The following ZNF438 variants were observed in gnomAD, a reference collection of about 807,000 sequenced individuals.
ZNF438 encodes the protein zinc finger protein 438.
A neutral mutation model predicts 38.0 loss-of-function variants in ZNF438; 25 were observed. The ratio of observed to expected loss-of-function variants is 0.66; its 90% CI spans 0.48 to 0.92. The LOEUF (loss-of-function observed/expected upper bound fraction) is 0.92. ZNF438 is among the 40% of genes least tolerant of loss of function. The probability of loss-of-function intolerance (pLI) is 0.00; values close to 1 mark genes in which losing one functional copy is unlikely to be tolerated. For synonymous variants in ZNF438, 372 were observed against 364.1 expected (o/e 1.02, Z -0.25); for missense variants, 1,007 against 999.6 (o/e 1.01, Z -0.10).
At chr10:30,888,377 CTTTTA>C (rs1336421643) in intron 3 of ZNF438, among the ~76,000 whole-genome samples, 1 of 52,252 alleles carries the variant, frequency 1.9e-5, no homozygotes, top group Non-Finnish European at 4.0e-5. Flanking sequence ...ACACATTTAG[CTTTTA>C]TTTTAGGTTC....
chr10:30,957,507 CAT>C (rs1463841698), intron 1 of ZNF438, among the ~76,000 whole-genome samples: 1 of 152,124 alleles, frequency 6.6e-6, no homozygotes, highest in Admixed American at 6.6e-5. Context: ...CTAATAGTTT[CAT>C]AGTCTGTCTT....
chr10:30,909,910 G>A (rs891997343), intron 2 of ZNF438, among the ~76,000 whole-genome samples: 1 of 152,162 alleles, frequency 6.6e-6, no homozygotes, highest in African/African-American at 2.4e-5. Context: ...CACAAGTAGG[G>A]TACATAGAGT....
Position 30,983,166 on chromosome 10 carries a change from G to C in ZNF438, c.-191-41515C>G, listed in dbSNP as rs117878086. Among the ~76,000 whole-genome samples the C allele has an allele frequency of 1.2e-3, 180 of 152,326 alleles. 1 individual carries two copies. In the East Asian group the frequency reaches 0.016, roughly 14 times the overall value. On this transcript the variant is annotated intron_variant, in intron 1 of 5. Coordinates refer to ENST00000413025, the Ensembl canonical transcript of ZNF438. ...TACACAAAAGGACCAAAGAACACAAGTGGCTTAAAGTATCAAAGAGAAAGC... is the reference window on the plus strand; with the variant it reads ...TACACAAAAGGACCAAAGAACACAACTGGCTTAAAGTATCAAAGAGAAAGC...
At chr10:30,916,104 T>C (rs1224810720) in intron 2 of ZNF438, among the ~76,000 whole-genome samples, 1 of 152,022 alleles carries the variant, frequency 6.6e-6, no homozygotes. Context: ...ATCCCAATCA[T>C]TTTAGATTTC....
rs1171933227 is a variant in ZNF438 at position 30,938,008 on chromosome 10, A to G, written c.-115+3567T>C. Among the ~76,000 whole-genome samples, 3 of 152,162 alleles carry G rather than the reference A, an allele frequency of 2.0e-5. No individual in the cohort carries two copies. In the East Asian group the frequency reaches 5.8e-4, roughly 29 times the overall value. On this transcript the variant is annotated intron_variant, in intron 2 of 5. Coordinates refer to ENST00000413025, the Ensembl canonical transcript of ZNF438. Reference sequence around the variant, plus strand: ...ATCAGAACCACGAGGGGAGCTTTAAAAAACAAACAGGTTTATGTTCCATGC... The same window carrying G: ...ATCAGAACCACGAGGGGAGCTTTAAGAAACAAACAGGTTTATGTTCCATGC...
intron 1 of ZNF438, among the ~76,000 whole-genome samples, chr10:30,986,597 C>T (rs946776115): frequency 6.6e-6 from 1 of 152,078 alleles, no homozygotes; most frequent in African/African-American, 2.4e-5. Context: ...GTTCAGTATC[C>T]CTTACCCTGA....
At chr10:30,955,861 T>C (rs953129567) in intron 1 of ZNF438, among the ~76,000 whole-genome samples, 1 of 152,238 alleles carries the variant, frequency 6.6e-6, no homozygotes, top group Non-Finnish European at 1.5e-5. Flanking sequence ...AATGTCCCAT[T>C]ACCACCTTCT....
At chr10:30,953,700 T>G (rs73252658) in intron 1 of ZNF438, among the ~76,000 whole-genome samples, 1 of 150,724 alleles carries the variant, frequency 6.6e-6, no homozygotes, top group Non-Finnish European at 1.5e-5. Context: ...GCATTGGCTT[T>G]GGGACCAGAG....
intron 1 of ZNF438, among the ~76,000 whole-genome samples, chr10:30,978,120 T>C (rs2051633887): frequency 6.6e-6 from 1 of 152,230 alleles, no homozygotes; most frequent in Non-Finnish European, 1.5e-5. Context: ...CAGTTGTAAT[T>C]ATTTCATTTT....
chr10:30,925,164 C>A (rs1216030761), intron 2 of ZNF438, among the ~76,000 whole-genome samples: 1 of 152,120 alleles, frequency 6.6e-6, no homozygotes, highest in African/African-American at 2.4e-5. Context: ...TCCATTCCTA[C>A]ATCTTTTCTT....
At chr10:31,008,719 G>A (rs2642192) in intron 1 of ZNF438, among the ~76,000 whole-genome samples, 85,968 of 152,052 alleles carry the variant, frequency 0.57, 24,498 homozygotes, top group African/African-American at 0.62. Context: ...TAGCTATTAG[G>A]AATAATGTTA....
chr10:30,909,626 A>G (rs750173556), intron 2 of ZNF438, among the ~76,000 whole-genome samples: 19 of 152,178 alleles, frequency 1.2e-4, no homozygotes, highest in Non-Finnish European at 2.1e-4. Flanking sequence ...AAGTAATAAA[A>G]GCATTTTACT....
At chr10:30,852,716 G>A (rs991161343) in intron 4 of ZNF438, among the ~76,000 whole-genome samples, 2 of 152,214 alleles carry the variant, frequency 1.3e-5, no homozygotes, top group African/African-American at 2.4e-5. Context: ...TAGCCTGCAC[G>A]AGAGTAAGAA....
At chr10:30,908,461 T>C in intron 3 of ZNF438, among the ~76,000 whole-genome samples, 1 of 152,194 alleles carries the variant, frequency 6.6e-6, no homozygotes, top group Non-Finnish European at 1.5e-5. Flanking sequence ...TTTTAAGGGC[T>C]CACCATGCCA....
At chr10:30,916,886 T>C (rs1160935234) in intron 2 of ZNF438, among the ~76,000 whole-genome samples, 1 of 152,120 alleles carries the variant, frequency 6.6e-6, no homozygotes. Flanking sequence ...TCAATTTGTA[T>C]AACCACTAGC....
At chr10:30,872,459 A>G (rs1454186988) in intron 4 of ZNF438, among the ~76,000 whole-genome samples, 1 of 107,530 alleles carries the variant, frequency 9.3e-6, no homozygotes, top group Non-Finnish European at 1.8e-5. Context: ...AAAAAAAAAA[A>G]AAAAAAAGAG....
At chr10:30,953,914 C>A (rs12243186) in intron 1 of ZNF438, among the ~76,000 whole-genome samples, 1 of 152,084 alleles carries the variant, frequency 6.6e-6, no homozygotes, top group Non-Finnish European at 1.5e-5. Context: ...GAGGCCAATG[C>A]GGATGGATCA....
chr10:30,879,297 C>T (rs1564553567), intron 3 of ZNF438, among the ~76,000 whole-genome samples: 1 of 152,222 alleles, frequency 6.6e-6, no homozygotes. Context: ...TAATTCTAAA[C>T]TGTGCATTTC....
chr10:30,885,215 A>G (rs2039799635), intron 3 of ZNF438, among the ~76,000 whole-genome samples: 1 of 152,142 alleles, frequency 6.6e-6, no homozygotes, highest in African/African-American at 2.4e-5. Context: ...GCTTTAGGTA[A>G]TTCATAACAG....
Sources: allele counts gnomAD v4.1 joint callset (sites outside exome capture counted in the v4.1 genomes callset), GRCh38; gene constraint gnomAD v4.1.1; transcripts MANE v1.5; gene names NCBI Gene and HGNC (gene_info 2026-07-23, HGNC 2026-07-21).